The following CSMD1 variants were observed in gnomAD, a reference collection of about 807,000 sequenced individuals.
CSMD1 encodes the protein CUB and sushi domain-containing protein 1.
A neutral mutation model predicts 417.5 loss-of-function variants in CSMD1; 213 were observed. The observed-to-expected ratio is 0.51, with a 90% CI of 0.46 to 0.57. The LOEUF is 0.57. Among genes scored for constraint, CSMD1 ranks in the 20% least tolerant of loss-of-function variants. The probability of loss-of-function intolerance (pLI) is 0.00; values close to 1 mark genes in which losing one functional copy is unlikely to be tolerated. For missense variants in CSMD1, 6,923 were observed against 4,529.7 expected, an observed-to-expected ratio of 1.53 and a Z score of -15.17; for synonymous variants, 2,862 against 1,736.8, an observed-to-expected ratio of 1.65 and a Z score of -16.11.
intron 10 of CSMD1, among the ~76,000 whole-genome samples, chr8:3,507,277 A>G (rs1024322309): frequency 6.6e-5 from 10 of 152,140 alleles, no homozygotes; most frequent in African/African-American, 2.4e-4. Context: ...GCCTTTACTC[A>G]TCTCATTACT....
intron 5 of CSMD1, among the ~76,000 whole-genome samples, chr8:3,986,103 A>C (rs1454391097): frequency 6.6e-6 from 1 of 151,926 alleles, no homozygotes; most frequent in East Asian, 1.9e-4. Flanking sequence ...CGTATCTGGG[A>C]GCTACAAGTT....
chr8:4,410,144 T>TA (rs1174611979), intron 3 of CSMD1, among the ~76,000 whole-genome samples: 26 of 152,180 alleles, frequency 1.7e-4, no homozygotes, highest in African/African-American at 6.0e-4. Flanking sequence ...AGCCATCTTC[T>TA]AGGCTAATCT....
rs377327349 is a variant in CSMD1, at chr8:4,486,180, C to T, written c.303-66115G>A. Among the ~76,000 whole-genome samples, 14 of 17,610 alleles carry T rather than the reference C, an allele frequency of 8.0e-4. No homozygotes were observed. The East Asian group carries it at 0.01, about 13-fold the overall frequency. The allele number at this position is 17,610 out of a possible 152,430, so 11.6% of individuals were successfully genotyped here. A position where few individuals can be genotyped will look rare whatever the true frequency, so the allele number is the denominator to read the frequency against. ...ATACATACATATATATATATACATA[C>T]ATATATATATATATATATACATACA... On this transcript the variant is annotated intron_variant, in intron 2 of 69. Coordinates refer to ENST00000635120, the MANE Select transcript of CSMD1 (RefSeq NM_033225.6).
chr8:3,836,134 GAA>G (rs1354595106), intron 5 of CSMD1, among the ~76,000 whole-genome samples: 2 of 152,080 alleles, frequency 1.3e-5, no homozygotes, highest in African/African-American at 2.4e-5. Flanking sequence ...TGAAAGGTGT[GAA>G]GTTATTTTTT....
intron 1 of CSMD1, among the ~76,000 whole-genome samples, chr8:4,765,160 CT>C (rs1472291255): frequency 2.6e-5 from 4 of 152,024 alleles, no homozygotes; most frequent in South Asian, 4.1e-4. Flanking sequence ...TAGCTCGTGA[CT>C]TTTTTTCTTT....
At chr8:3,382,467 T>A (rs10097073) in intron 18 of CSMD1, among the ~76,000 whole-genome samples, 13,193 of 113,064 alleles carry the variant, frequency 0.12, 796 homozygotes, top group Non-Finnish European at 0.16. Context: ...TATAATATAT[T>A]ATATATAATC....
intron 1 of CSMD1, among the ~76,000 whole-genome samples, chr8:4,728,299 G>C (rs1379999101): frequency 1.3e-5 from 2 of 151,110 alleles, no homozygotes; most frequent in East Asian, 1.9e-4. Flanking sequence ...TTAATATTAG[G>C]TGTTTATATA....
rs1810331501 is a variant in CSMD1 at position 3,031,391 on chromosome 8, C to T, written c.7661-1878G>A. On this transcript the variant is annotated intron_variant, in intron 50 of 69. Transcript: ENST00000635120. ...ATGATGAGTTAATGGGTGCAGCACA[C>T]CAGCATGGCACATGTATACATGTGT... 2.0e-5 allele frequency among the ~76,000 whole-genome samples: 3 copies of T among 151,906 alleles called. No homozygotes were observed. The South Asian group carries it at 6.2e-4, about 32-fold the overall frequency.
intron 3 of CSMD1, among the ~76,000 whole-genome samples, chr8:4,336,954 T>A (rs903268442): frequency 6.6e-6 from 1 of 152,064 alleles, no homozygotes; most frequent in East Asian, 1.9e-4. Context: ...AATGTTGAAA[T>A]GGAGCAAACC....
At chr8:3,496,382 C>A (rs192828036) in intron 10 of CSMD1, among the ~76,000 whole-genome samples, 1 of 152,102 alleles carries the variant, frequency 6.6e-6, no homozygotes, top group Non-Finnish European at 1.5e-5. Flanking sequence ...GTGGCTTGCT[C>A]GTGGAGGGAA....
At chr8:4,014,521 G>C (rs1016628932) in intron 4 of CSMD1, among the ~76,000 whole-genome samples, 3 of 152,102 alleles carry the variant, frequency 2.0e-5, no homozygotes, top group African/African-American at 4.8e-5. Flanking sequence ...TACTCTTCAA[G>C]GACTACTATG....
chr8:4,081,089 A>G (rs142290275), intron 3 of CSMD1, among the ~76,000 whole-genome samples: 360 of 152,290 alleles, frequency 2.4e-3, no homozygotes, highest in African/African-American at 8.0e-3. Flanking sequence ...ACACTTTGGA[A>G]GCAGAGAGAT....
At position 4,707,615 on chromosome 8, in the gene CSMD1, G is replaced by A. The variant is rs181215092; in HGVS notation, c.86-70057C>T. ...CAAGAGAGGGGAAAGAGCCAGCCAT[G>A]ATGGCTCACTCCTGTAATCCCAGCA... On this transcript the variant is annotated intron_variant, in intron 1 of 69. Transcript: ENST00000635120. 9.9e-5 allele frequency among the ~76,000 whole-genome samples: 15 copies of A among 152,154 alleles called. No individual in the cohort carries two copies. In the East Asian group the frequency reaches 2.9e-3, roughly 30 times the overall value.
chr8:4,740,757 T>C (rs1810551296), intron 1 of CSMD1, among the ~76,000 whole-genome samples: 1 of 152,084 alleles, frequency 6.6e-6, no homozygotes, highest in Non-Finnish European at 1.5e-5. Flanking sequence ...TGTCTCAAAA[T>C]AAATGTTCTA....
At chr8:3,290,768 C>T (rs1396433950) in intron 25 of CSMD1, among the ~76,000 whole-genome samples, 1 of 147,314 alleles carries the variant, frequency 6.8e-6, no homozygotes, top group Non-Finnish European at 1.5e-5. Context: ...ATGTCATCTG[C>T]CAACAGGGAC....
At chr8:4,761,872 T>TATCTATCTATCTATC (rs1812102920) in intron 1 of CSMD1, among the ~76,000 whole-genome samples, 3 of 90,662 alleles carry the variant, frequency 3.3e-5, no homozygotes, top group African/African-American at 1.2e-4. Context: ...TCTATCTATC[T>TATCTATCTATCTATC]ATCTATCTAT....
chr8:4,783,260 A>T (rs78100095), intron 1 of CSMD1, among the ~76,000 whole-genome samples: 1,573 of 152,310 alleles, frequency 0.01, 11 homozygotes, highest in East Asian at 0.053. Context: ...CAGAACAGGA[A>T]ATCAAGATGG....
In CSMD1 at chr8:4,515,290, G is replaced by T. The variant is rs188722870; in HGVS notation, c.303-95225C>A. On this transcript the variant is annotated intron_variant, in intron 2 of 69. Coordinates refer to ENST00000635120, the MANE Select transcript of CSMD1 (RefSeq NM_033225.6). Reference sequence around the variant, plus strand: ...GAGACCACAGTCTCTGATCTGATGTGGCTCATGTACTCAGAGAAATAGCAC... The same window carrying T: ...GAGACCACAGTCTCTGATCTGATGTTGCTCATGTACTCAGAGAAATAGCAC... 1.6e-4 allele frequency among the ~76,000 whole-genome samples: 25 copies of T among 152,256 alleles called. No homozygotes were observed. In the East Asian group the frequency reaches 4.8e-3, roughly 29 times the overall value.
chr8:4,315,023 C>T (rs1415700271), intron 3 of CSMD1, among the ~76,000 whole-genome samples: 1 of 152,102 alleles, frequency 6.6e-6, no homozygotes, highest in Non-Finnish European at 1.5e-5. Context: ...GAAAAGAGGT[C>T]CCTCTTCTAA....
Sources: allele counts gnomAD v4.1 joint callset (sites outside exome capture counted in the v4.1 genomes callset), GRCh38; gene constraint gnomAD v4.1.1; transcripts MANE v1.5; gene names NCBI Gene and HGNC (gene_info 2026-07-23, HGNC 2026-07-21).